Variants in PRRG2 observed in about 807,000 individuals in gnomAD.
PRRG2 encodes the protein proline rich and Gla domain 2.
PRRG2 carries 23 observed loss-of-function variants against 27.1 expected under a neutral mutation model. The ratio of observed to expected loss-of-function variants is 0.85; its 90% CI spans 0.61 to 1.20. The LOEUF (loss-of-function observed/expected upper bound fraction) is 1.20. PRRG2 is among the 50% of genes most tolerant of loss of function. The pLI is 0.00. For synonymous variants in PRRG2, 104 were observed against 103.4 expected (o/e 1.01, Z -0.03); for missense variants, 276 against 254.8 (o/e 1.08, Z -0.57).
At chr19:49,585,701 G>C (rs2080663971) in intron 4 of PRRG2, among the ~76,000 whole-genome samples, 2 of 152,282 alleles carry the variant, frequency 1.3e-5, no homozygotes, top group South Asian at 4.1e-4. Context: ...AGGCGGCTGA[G>C]GCACAAGAAT....
chr19:49,590,060 G>A lies in PRRG2; in HGVS notation c.590+8G>A. ...TCCACCCCCCTACACCAGGTATGGG[G>A]CGTGGCTTCTGCCCGGGGGCGGGGC... On this transcript the variant is annotated splice_region_variant and intron_variant, in intron 6 of 6. Transcript: ENST00000246794. 4 of 1,494,668 alleles carry A rather than the reference G, an allele frequency of 2.7e-6. No individual in the cohort carries two copies. The highest frequency in any genetic ancestry group is 2.4e-4 in the Middle Eastern group (1 of 4,120). 92.6% of individuals were successfully genotyped at this position (1,494,668 alleles called of 1,614,324 possible).
chr19:49,586,396 T>C (rs2080670024), intron 4 of PRRG2, among the ~76,000 whole-genome samples: 1 of 151,586 alleles, frequency 6.6e-6, no homozygotes, highest in Admixed American at 6.6e-5. Context: ...CATTTTTTTT[T>C]TTTTTTTTTT....
chr19:49,588,371 G>A (rs1210428863), intron 4 of PRRG2, 126 bp from the exon 5 acceptor site: 2 of 1,343,546 alleles, frequency 1.5e-6, no homozygotes, highest in Admixed American at 2.6e-5. Context: ...AGGTCACAGG[G>A]CTAGGAAGGG....
chr19:49,586,153 C>G (rs1465366868), intron 4 of PRRG2, among the ~76,000 whole-genome samples: 1 of 151,072 alleles, frequency 6.6e-6, no homozygotes, highest in African/African-American at 2.4e-5. Flanking sequence ...ACGATGACGA[C>G]TCACTGCAGC....
chr19:49,584,989 G>C (rs1369477262), intron 4 of PRRG2, among the ~76,000 whole-genome samples: 1 of 152,178 alleles, frequency 6.6e-6, no homozygotes, highest in East Asian at 1.9e-4. Context: ...ATCCTCACCT[G>C]CCCATTTTGC....
At chr19:49,583,862 C>T (rs1343007938) in intron 3 of PRRG2, 51 bp from the exon 4 acceptor site, 2 of 1,607,876 alleles carry the variant, frequency 1.2e-6, no homozygotes, top group East Asian at 4.5e-5. Context: ...TGTGAACCTC[C>T]CAGCTGAATT....
chr19:49,583,435 A>G lies in PRRG2; in HGVS notation c.86-107A>G, dbSNP rs572684255. 1.1e-4 allele frequency: 170 copies of G among 1,512,032 alleles called. No homozygotes were observed. In the African/African-American group the frequency reaches 2.1e-3, roughly 19 times the overall value. 93.7% of individuals were successfully genotyped at this position (1,512,032 alleles called of 1,614,324 possible). On this transcript the variant is annotated intron_variant, in intron 2 of 6. Transcript: ENST00000246794. ...TCCTCCTTCAGACCCAGGAATCTGG[A>G]TTCCCAGCCCCTGCTCCTTCCTCCA...
chr19:49,580,992 G>A (rs773936403), upstream of PRRG2, among the ~76,000 whole-genome samples: 2 of 152,156 alleles, frequency 1.3e-5, no homozygotes, highest in Non-Finnish European at 1.5e-5. Context: ...AATCAAAGCC[G>A]TTCAAGTCGC....
chr19:49,588,902 C>T (rs538557376), intron 5 of PRRG2, among the ~76,000 whole-genome samples: 1 of 152,100 alleles, frequency 6.6e-6, no homozygotes, highest in African/African-American at 2.4e-5. Flanking sequence ...TACCAGTATC[C>T]GTGGAATTAC....
intron 5 of PRRG2, 22 bp downstream of exon 5, chr19:49,588,654 G>C (rs953206482): frequency 2.0e-6 from 3 of 1,517,126 alleles, no homozygotes; most frequent in Middle Eastern, 1.8e-4. Flanking sequence ...TCAGCGAGGA[G>C]GGGGTGGTGG....
At chr19:49,586,944 C>T (rs577645732) in intron 4 of PRRG2, among the ~76,000 whole-genome samples, 32 of 152,008 alleles carry the variant, frequency 2.1e-4, no homozygotes, top group Non-Finnish European at 3.7e-4. Context: ...TGGTGGATTG[C>T]TTGAGCCTAG....
At chr19:49,583,390 G>A (rs778417776) in intron 2 of PRRG2, 86 bp downstream of exon 2, 2 of 1,540,534 alleles carry the variant, frequency 1.3e-6, no homozygotes, top group Non-Finnish European at 8.9e-7. Context: ...CCTCTTCCAG[G>A]AGTCCAGGAC....
chr19:49,587,147 CAA>C (rs1214176130), intron 4 of PRRG2, among the ~76,000 whole-genome samples: 1 of 133,458 alleles, frequency 7.5e-6, no homozygotes. Flanking sequence ...GACCCTGTCT[CAA>C]AAAAAAAAAA....
chr19:49,581,132 AG>A (rs2080619329), upstream of PRRG2, among the ~76,000 whole-genome samples: 2 of 152,168 alleles, frequency 1.3e-5, no homozygotes, highest in South Asian at 4.1e-4. Flanking sequence ...ACGAACTCCC[AG>A]GGGAGAGCCA....
chr19:49,583,365 A>T, intron 2 of PRRG2, 61 bp downstream of exon 2: 1 of 1,570,362 alleles, frequency 6.4e-7, no homozygotes, highest in Non-Finnish European at 8.8e-7. Context: ...TGACTCAGGA[A>T]TGTTTCTAGT....
intron 4 of PRRG2, 35 bp downstream of exon 4, chr19:49,583,987 A>G (rs1473301649): frequency 6.3e-7 from 1 of 1,592,332 alleles, no homozygotes; most frequent in Admixed American, 1.7e-5. Context: ...TGTTCTGTGC[A>G]GCTAAGGTAG....
At chr19:49,582,483 G>A (rs1156717164) in intron 1 of PRRG2, among the ~76,000 whole-genome samples, 1 of 151,792 alleles carries the variant, frequency 6.6e-6, no homozygotes, top group Admixed American at 6.6e-5. Flanking sequence ...AGTTGAGGCC[G>A]GGCACAGTGG....
rs1447192805 is a variant in PRRG2 at position 49,590,044 on chromosome 19, C to A, written c.582C>A (p.Pro194=). 3.3e-6 allele frequency: 5 copies of A among 1,520,538 alleles called. No individual in the cohort carries two copies. The highest frequency in any genetic ancestry group is 4.4e-6 in the Non-Finnish European group (5 of 1,139,652). The allele number at this position is 1,520,538 out of a possible 1,614,324, so 94.2% of individuals were successfully genotyped here. ...ASGVHDAPPP[P]YTSLRRPH is the part of the protein sequence containing the mutation. ...GGGTACACGACGCACCTCCACCCCC[C>A]TACACCAGGTATGGGGCGTGGCTTC... Residue 194 remains proline, a synonymous_variant, in exon 6 of 7, where the codon CCC becomes CCA. Coordinates refer to ENST00000246794, the MANE Select transcript of PRRG2 (RefSeq NM_000951.3).
intron 2 of PRRG2, 61 bp from the exon 3 acceptor site, chr19:49,583,481 C>T (rs2080643931): frequency 6.4e-7 from 1 of 1,571,730 alleles, no homozygotes; most frequent in African/African-American, 1.4e-5. Context: ...GCTTTCCATC[C>T]CCCTATGACT....
Sources: allele counts gnomAD v4.1 joint callset (sites outside exome capture counted in the v4.1 genomes callset), GRCh38; gene constraint gnomAD v4.1.1; transcripts MANE v1.5; gene names NCBI Gene and HGNC (gene_info 2026-07-23, HGNC 2026-07-21).